The following DENND1A variants were observed in gnomAD, a reference collection of about 807,000 sequenced individuals.
DENND1A encodes the protein DENN domain-containing protein 1A.
DENND1A carries 51 observed loss-of-function variants against 113.7 expected under a neutral mutation model. That is an observed-to-expected ratio of 0.45 (90% CI 0.36 to 0.57). DENND1A has a LOEUF of 0.57. DENND1A is among the 20% of genes least tolerant of loss of function. The probability of loss-of-function intolerance (pLI) is 0.00; values close to 1 mark genes in which losing one functional copy is unlikely to be tolerated. For missense variants in DENND1A, 1,258 were observed against 1,395.9 expected, an observed-to-expected ratio of 0.90 and a Z score of 1.57; for synonymous variants, 565 against 570.8, an observed-to-expected ratio of 0.99 and a Z score of 0.14.
intron 12 of DENND1A, among the ~76,000 whole-genome samples, chr9:123,563,746 T>C (rs1250695599): frequency 2.0e-5 from 3 of 152,200 alleles, no homozygotes; most frequent in African/African-American, 7.2e-5. Flanking sequence ...CTACTGTGAA[T>C]ATAATAAAGT....
chr9:123,768,548 CA>C (rs1403344553), intron 4 of DENND1A, among the ~76,000 whole-genome samples: 1 of 152,098 alleles, frequency 6.6e-6, no homozygotes, highest in East Asian at 1.9e-4. Context: ...CATATTATGG[CA>C]TTTCTTACTT....
At position 123,709,659 on chromosome 9, in the gene DENND1A, G is replaced by A. The variant is rs144062295; in HGVS notation, c.303-32870C>T. ...TGATGGCCCACCTATACACCCTAAC[G>A]TCTGCAGGGGCCAATTTCAGCAGAC... On this transcript the variant is annotated intron_variant, in intron 5 of 23. Transcript: ENST00000394215. 5.2e-3 allele frequency among the ~76,000 whole-genome samples: 799 copies of A among 152,204 alleles called. 5 individuals are homozygous for A. The highest frequency in any genetic ancestry group is 8.9e-3 in the South Asian group (43 of 4,824).
intron 12 of DENND1A, among the ~76,000 whole-genome samples, chr9:123,559,240 G>C (rs950691856): frequency 3.3e-5 from 5 of 152,156 alleles, no homozygotes; most frequent in African/African-American, 1.2e-4. Flanking sequence ...TGGAGAGAAA[G>C]GCAGGGGCCT....
At chr9:123,841,937 T>C (rs1004242962) in intron 2 of DENND1A, among the ~76,000 whole-genome samples, 1 of 152,222 alleles carries the variant, frequency 6.6e-6, no homozygotes, top group Admixed American at 6.5e-5. Flanking sequence ...TTCAGTTTAA[T>C]GAGCAGATCA....
At chr9:123,679,488 G>T (rs1589638628) in intron 5 of DENND1A, among the ~76,000 whole-genome samples, 1 of 152,198 alleles carries the variant, frequency 6.6e-6, no homozygotes, top group African/African-American at 2.4e-5. Context: ...AGTTACCCTG[G>T]AAATCAGCCA....
intron 2 of DENND1A, among the ~76,000 whole-genome samples, chr9:123,805,789 G>A (rs1419365115): frequency 6.6e-6 from 1 of 152,118 alleles, no homozygotes; most frequent in Non-Finnish European, 1.5e-5. Flanking sequence ...TTAACCATCA[G>A]AAAGCAAAGA....
intron 16 of DENND1A, among the ~76,000 whole-genome samples, chr9:123,452,950 T>C (rs1453627077): frequency 6.6e-6 from 1 of 152,192 alleles, no homozygotes; most frequent in East Asian, 1.9e-4. Context: ...ATGTTCACCA[T>C]GGCTTTAGTT....
At chr9:123,682,347 G>A (rs1382951578) in intron 5 of DENND1A, among the ~76,000 whole-genome samples, 1 of 152,140 alleles carries the variant, frequency 6.6e-6, no homozygotes, top group African/African-American at 2.4e-5. Context: ...TGTTCATGTC[G>A]GGACTGATGA....
At chr9:123,393,873 G>A (rs1376552739) in intron 21 of DENND1A, among the ~76,000 whole-genome samples, 4 of 152,230 alleles carry the variant, frequency 2.6e-5, no homozygotes, top group Admixed American at 2.6e-4. Flanking sequence ...ATGGGTGAGT[G>A]TGAGATACCA....
intron 13 of DENND1A, among the ~76,000 whole-genome samples, chr9:123,539,031 CTT>C (rs1013212541): frequency 2.6e-5 from 4 of 151,568 alleles, no homozygotes; most frequent in Non-Finnish European, 5.9e-5. Flanking sequence ...GAAACTGTCT[CTT>C]TATAAAAATA....
chr9:123,732,119 T>C (rs1464511312), intron 5 of DENND1A, among the ~76,000 whole-genome samples: 1 of 152,220 alleles, frequency 6.6e-6, no homozygotes, highest in Non-Finnish European at 1.5e-5. Flanking sequence ...ACAACCACTT[T>C]GGAAAGCAGG....
chr9:123,711,520 T>TATATATATATATAC (rs1554970727), intron 5 of DENND1A, among the ~76,000 whole-genome samples: 2 of 111,630 alleles, frequency 1.8e-5, no homozygotes, highest in East Asian at 4.4e-4. Flanking sequence ...TATGTATATA[T>TATATATATATATAC]ATATATATAT....
chr9:123,406,339 G>A (rs1040811670), intron 20 of DENND1A, among the ~76,000 whole-genome samples: 8 of 152,258 alleles, frequency 5.3e-5, no homozygotes, highest in Non-Finnish European at 1.0e-4. Flanking sequence ...CGGATACAGG[G>A]AAAGTCCCCC....
At chr9:123,815,783 G>C (rs1837349935) in intron 2 of DENND1A, among the ~76,000 whole-genome samples, 1 of 151,880 alleles carries the variant, frequency 6.6e-6, no homozygotes, top group African/African-American at 2.4e-5. Context: ...CTCCTTTATT[G>C]TATAACATTC....
chr9:123,519,330 C>T (rs1377004144), intron 13 of DENND1A, among the ~76,000 whole-genome samples: 1 of 152,242 alleles, frequency 6.6e-6, no homozygotes. Flanking sequence ...TCATTCCCTC[C>T]TCTCTCTAGC....
At chr9:123,705,191 G>C (rs556154540) in intron 5 of DENND1A, among the ~76,000 whole-genome samples, 13 of 152,064 alleles carry the variant, frequency 8.5e-5, no homozygotes, top group African/African-American at 3.1e-4. Flanking sequence ...AATAAAACAA[G>C]AGCAAAAAAG....
intron 9 of DENND1A, among the ~76,000 whole-genome samples, chr9:123,635,901 T>C (rs781189835): frequency 2.6e-5 from 4 of 152,218 alleles, no homozygotes; most frequent in Non-Finnish European, 5.9e-5. Context: ...CTTCCTTTCC[T>C]AGGTCTCAAT....
At chr9:123,476,402 G>A (rs527882729) in intron 13 of DENND1A, among the ~76,000 whole-genome samples, 31 of 152,298 alleles carry the variant, frequency 2.0e-4, no homozygotes, top group African/African-American at 7.2e-4. Flanking sequence ...GGAGTCTCCA[G>A]CCTTCCATGG....
chr9:123,782,959 T>C (rs944665745), intron 3 of DENND1A, among the ~76,000 whole-genome samples: 2 of 151,614 alleles, frequency 1.3e-5, no homozygotes, highest in African/African-American at 2.4e-5. Flanking sequence ...CTGACTGAAG[T>C]TACACAGTTG....
Sources: gnomAD v4.1 joint callset for allele counts (sites outside exome capture counted in the v4.1 genomes callset) on GRCh38, gnomAD v4.1.1 for gene constraint, MANE v1.5 for transcripts, NCBI Gene and HGNC (gene_info 2026-07-23, HGNC 2026-07-21) for gene names.